Variants in MPPED2 observed in about 807,000 individuals in gnomAD.
MPPED2 encodes the protein metallophosphoesterase domain containing 2.
Under a neutral mutation model 33.0 loss-of-function variants are expected in MPPED2, and 5 were observed. The observed-to-expected ratio is 0.15, with a 90% CI of 0.08 to 0.32. MPPED2 has a LOEUF of 0.32. MPPED2 is among the 10% of genes least tolerant of loss of function. MPPED2 has a pLI of 1.00. For missense variants in MPPED2, 275 were observed against 372.1 expected (o/e 0.74, Z 2.15); for synonymous variants, 136 against 141.9 (o/e 0.96, Z 0.29).
intron 3 of MPPED2, among the ~76,000 whole-genome samples, chr11:30,534,393 A>G (rs1442885152): frequency 2.6e-5 from 4 of 152,202 alleles, no homozygotes; most frequent in African/African-American, 9.6e-5. Context: ...CATAAGCGAA[A>G]AGATCTGGAT....
intron 3 of MPPED2, among the ~76,000 whole-genome samples, chr11:30,521,108 C>T (rs973400112): frequency 2.6e-5 from 4 of 152,046 alleles, no homozygotes; most frequent in African/African-American, 9.7e-5. Flanking sequence ...AGGAGGAATG[C>T]TAGAATAGTT....
intron 4 of MPPED2, among the ~76,000 whole-genome samples, chr11:30,486,512 A>C (rs1343586309): frequency 6.6e-6 from 1 of 152,142 alleles, no homozygotes; most frequent in Non-Finnish European, 1.5e-5. Flanking sequence ...CTTGACACCA[A>C]CTACTTTGAC....
At chr11:30,471,769 A>G (rs949694725) in intron 4 of MPPED2, among the ~76,000 whole-genome samples, 1 of 152,174 alleles carries the variant, frequency 6.6e-6, no homozygotes, top group Non-Finnish European at 1.5e-5. Flanking sequence ...AGTTAAGTTA[A>G]TGAACAAATG....
At chr11:30,508,811 C>A (rs2134289923) in intron 3 of MPPED2, among the ~76,000 whole-genome samples, 1 of 152,300 alleles carries the variant, frequency 6.6e-6, no homozygotes, top group South Asian at 2.1e-4. Flanking sequence ...CCACTCATAT[C>A]TGGAGGTCTG....
At chr11:30,391,826 A>C (rs141476257) in intron 6 of MPPED2, among the ~76,000 whole-genome samples, 2 of 152,294 alleles carry the variant, frequency 1.3e-5, no homozygotes, top group East Asian at 3.9e-4. Context: ...TCACATCTAA[A>C]GCCCCAACAT....
At chr11:30,405,790 A>C (rs1947979496), downstream of MPPED2, among the ~76,000 whole-genome samples, 1 of 151,024 alleles carries the variant, frequency 6.6e-6, no homozygotes, top group African/African-American at 2.5e-5. Context: ...TCTTTAGGAA[A>C]TTACAATTGA....
intron 6 of MPPED2, among the ~76,000 whole-genome samples, chr11:30,401,338 C>T (rs1166287986): frequency 6.6e-6 from 1 of 152,166 alleles, no homozygotes; most frequent in Non-Finnish European, 1.5e-5. Context: ...TAACTCTGGA[C>T]TGAATCTTAT....
chr11:30,471,507 G>C (rs1950943250), intron 4 of MPPED2, among the ~76,000 whole-genome samples: 1 of 152,134 alleles, frequency 6.6e-6, no homozygotes, highest in Non-Finnish European at 1.5e-5. Context: ...TCCTCTTCCA[G>C]ATTCGTCTCA....
At chr11:30,439,316 G>C (rs1040807024) in intron 4 of MPPED2, among the ~76,000 whole-genome samples, 1 of 152,102 alleles carries the variant, frequency 6.6e-6, no homozygotes, top group Non-Finnish European at 1.5e-5. Context: ...TTTCAAACTT[G>C]ACTCTAGGGC....
At chr11:30,548,935 C>A (rs1184996641) in intron 2 of MPPED2, among the ~76,000 whole-genome samples, 6 of 152,176 alleles carry the variant, frequency 3.9e-5, no homozygotes, top group African/African-American at 1.4e-4. Flanking sequence ...AATGCATTAT[C>A]CAGGTACCAA....
chr11:30,478,564 G>A (rs981000828), intron 4 of MPPED2, among the ~76,000 whole-genome samples: 4 of 152,034 alleles, frequency 2.6e-5, no homozygotes, highest in African/African-American at 9.7e-5. Flanking sequence ...ACAGACCAAT[G>A]ATGGCAATGC....
chr11:30,439,661 A>G (rs745445162), intron 4 of MPPED2, among the ~76,000 whole-genome samples: 2 of 152,236 alleles, frequency 1.3e-5, no homozygotes, highest in Non-Finnish European at 2.9e-5. Flanking sequence ...TAGTAAGCAT[A>G]CTATATAATA....
Position 30,490,712 on chromosome 11 carries a change from C to T in MPPED2, c.536+4584G>A, listed in dbSNP as rs75379385. 9.5e-3 allele frequency among the ~76,000 whole-genome samples: 1,445 copies of T among 152,218 alleles called. 21 individuals carry two copies. Among genetic ancestry groups the T allele is most frequent in the Non-Finnish European group, 0.01 (698 of 68,002 alleles). On this transcript the variant is annotated intron_variant, in intron 4 of 6. Coordinates refer to ENST00000358117, the MANE Select transcript of MPPED2 (RefSeq NM_001584.3). ...GCTCTGGTGTGTTGTAAGTTATTTT[C>T]TACATACCAATTCCTGTTAAACTGT...
intron 4 of MPPED2, among the ~76,000 whole-genome samples, chr11:30,436,913 A>C (rs1949351872): frequency 6.6e-6 from 1 of 152,210 alleles, no homozygotes; most frequent in Non-Finnish European, 1.5e-5. Flanking sequence ...GAGATAAATA[A>C]AGACATCATC....
chr11:30,439,230 A>G (rs1949456139), intron 4 of MPPED2, among the ~76,000 whole-genome samples: 1 of 152,206 alleles, frequency 6.6e-6, no homozygotes, highest in African/African-American at 2.4e-5. Flanking sequence ...CACTAATTAT[A>G]TGGCAATTAT....
intron 4 of MPPED2, among the ~76,000 whole-genome samples, chr11:30,441,672 A>T (rs987103454): frequency 6.6e-6 from 1 of 152,178 alleles, no homozygotes; most frequent in Non-Finnish European, 1.5e-5. Context: ...CCAACTCTGA[A>T]AGTAGGAAAC....
Position 30,501,416 on chromosome 11 carries a change from G to A in MPPED2, c.311-5895C>T, listed in dbSNP as rs188747388. Among the ~76,000 whole-genome samples the A allele has an allele frequency of 5.3e-5, 8 of 152,320 alleles. No individual in the cohort carries two copies. In the East Asian group the frequency reaches 1.5e-3, roughly 29 times the overall value. ...GGATCTAAAAGTGAAGGTCAGTGCGGCTATGAGGTCTCCAACCTGCACACA... is the reference window on the plus strand; with the variant it reads ...GGATCTAAAAGTGAAGGTCAGTGCGACTATGAGGTCTCCAACCTGCACACA... On this transcript the variant is annotated intron_variant, in intron 3 of 6. Transcript: ENST00000358117.
intron 2 of MPPED2, among the ~76,000 whole-genome samples, chr11:30,554,165 A>G (rs934471695): frequency 3.9e-5 from 6 of 152,012 alleles, no homozygotes; most frequent in Admixed American, 2.0e-4. Context: ...GAGCCGTGGC[A>G]ACTTTATGCC....
intron 5 of MPPED2, among the ~76,000 whole-genome samples, chr11:30,416,048 T>C (rs974583875): frequency 6.6e-6 from 1 of 152,236 alleles, no homozygotes; most frequent in African/African-American, 2.4e-5. Context: ...AATTTAATGA[T>C]GTAGCTACTC....
Sources: allele counts gnomAD v4.1 joint callset (sites outside exome capture counted in the v4.1 genomes callset), GRCh38; gene constraint gnomAD v4.1.1; transcripts MANE v1.5; gene names NCBI Gene and HGNC (gene_info 2026-07-23, HGNC 2026-07-21).